The following DMD variants were observed in gnomAD, a reference collection of about 807,000 sequenced individuals.
DMD encodes mutant dystrophin.
DMD carries 63 observed loss-of-function variants against 330.1 expected under a neutral mutation model. That is an observed-to-expected ratio of 0.19 (90% CI 0.16 to 0.24). The LOEUF (loss-of-function observed/expected upper bound fraction) is 0.24. Among genes scored for constraint, DMD ranks in the 10% least tolerant of loss-of-function variants. The pLI is 1.00. For synonymous variants in DMD, 1,223 were observed against 959.8 expected, an observed-to-expected ratio of 1.27 and a Z score of -5.07; for missense variants, 3,344 against 2,684.1, an observed-to-expected ratio of 1.25 and a Z score of -5.43.
chrX:32,177,953 G>A (rs895353743), intron 44 of DMD, among the ~76,000 whole-genome samples: 2 of 110,676 alleles, frequency 1.8e-5, no homozygotes, highest in African/African-American at 6.6e-5. Flanking sequence ...AGAGATTTGG[G>A]CAATAAAGAG....
intron 18 of DMD, among the ~76,000 whole-genome samples, chrX:32,506,682 T>C: frequency 8.9e-6 from 1 of 111,954 alleles, no homozygotes; most frequent in Non-Finnish European, 1.9e-5. Flanking sequence ...AGACACTTTT[T>C]AATATCTTAC....
chrX:31,590,589 C>G (rs1488480986), intron 55 of DMD, among the ~76,000 whole-genome samples: 1 of 111,481 alleles, frequency 9.0e-6, no homozygotes, highest in African/African-American at 3.3e-5. Context: ...AGTCTGATAT[C>G]TTATTCTTAA....
chrX:32,832,781 T>C (rs1001486288), intron 4 of DMD, among the ~76,000 whole-genome samples: 1 of 111,907 alleles, frequency 8.9e-6, no homozygotes, highest in Non-Finnish European at 1.9e-5. Context: ...GAGATGCATG[T>C]ATTGAATCTT....
Position 32,781,005 on chromosome X carries a change from C to G in DMD, c.649+28488G>C, listed in dbSNP as rs752650817. On this transcript the variant is annotated intron_variant, in intron 7 of 78. Coordinates refer to ENST00000357033, the MANE Select transcript of DMD (RefSeq NM_004006.3). ...TGGTGGCAGGCGCCTGTAGTCCCAG[C>G]TACTCGGGAGGCTGAGGCAGGAGAA... Among the ~76,000 whole-genome samples, 171 of 108,401 alleles carry G rather than the reference C, an allele frequency of 1.6e-3. 2 individuals carry two copies. Among genetic ancestry groups the G allele is most frequent in the African/African-American group, 5.4e-3 (162 of 29,781 alleles). The allele number at this position is 108,401 out of a possible 115,157, so 94.1% of individuals were successfully genotyped here. A position where few individuals can be genotyped will look rare whatever the true frequency, so the allele number is the denominator to read the frequency against.
At chrX:32,461,848 T>G (rs2098384536) in intron 25 of DMD, among the ~76,000 whole-genome samples, 1 of 110,595 alleles carries the variant, frequency 9.0e-6, no homozygotes. Context: ...AGCACTGACT[T>G]ACTTCAGGAG....
At chrX:32,811,829 A>G (rs1332870606) in intron 6 of DMD, among the ~76,000 whole-genome samples, 1 of 110,645 alleles carries the variant, frequency 9.0e-6, no homozygotes, top group Non-Finnish European at 1.9e-5. Flanking sequence ...CAGATTAAAT[A>G]GACGTTTCGA....
chrX:31,497,008 T>C lies in DMD; in HGVS notation c.8391-64A>G. 3 of 1,124,309 alleles carry C rather than the reference T, an allele frequency of 2.7e-6. No individual in the cohort carries two copies. The East Asian group carries it at 9.6e-5, about 36-fold the overall frequency. 92.7% of individuals were successfully genotyped at this position (1,124,309 alleles called of 1,213,427 possible). On this transcript the variant is annotated intron_variant, in intron 56 of 78. Coordinates refer to ENST00000357033, the MANE Select transcript of DMD (RefSeq NM_004006.3). ...GAAGTGTAATTGATGATTCTAACAA[T>C]TCCATTGAAAAAGTACAATAAACCT... is the stretch of plus-strand genomic sequence containing the variant.
intron 67 of DMD, among the ~76,000 whole-genome samples, chrX:31,196,188 G>A (rs2042865103): frequency 9.0e-6 from 1 of 111,668 alleles, no homozygotes; most frequent in African/African-American, 3.3e-5. Context: ...GGTCTTTTCT[G>A]AAAATTGCAG....
At position 32,697,988 on chromosome X, in the gene DMD, C is replaced by G. The variant is rs762274027; in HGVS notation, c.842G>C (p.Ser281Thr). ...QMHYSQQITV[S>T]LAQGYERTSS... ...AGTTCTCTCATATCCCTGTGCTAGA[C>G]TGACCGTGATCTGCAGAGAAGGGTT... The change falls in exon 9 of 79, where the codon AGT becomes ACT. Residue 281 changes from serine to threonine, a missense_variant. Physicochemically the swap from Ser to Thr is moderately conservative, Grantham distance 58. Coordinates refer to ENST00000357033, the MANE Select transcript of DMD (RefSeq NM_004006.3). 104 of 1,192,545 alleles carry G rather than the reference C, an allele frequency of 8.7e-5. No homozygotes were observed. The highest frequency in any genetic ancestry group is 1.1e-4 in the Non-Finnish European group (101 of 886,675).
At chrX:32,819,752 T>C (rs932373638) in intron 5 of DMD, among the ~76,000 whole-genome samples, 3 of 109,101 alleles carry the variant, frequency 2.7e-5, no homozygotes, top group African/African-American at 1.0e-4. Context: ...CTGATAGATC[T>C]AGAATGTACA....
intron 9 of DMD, among the ~76,000 whole-genome samples, chrX:32,684,218 T>C (rs939822841): frequency 3.9e-5 from 4 of 101,309 alleles, no homozygotes; most frequent in Non-Finnish European, 5.7e-5. Flanking sequence ...TGTATTGCTG[T>C]ATGTATATAC....
chrX:33,123,404 G>A (rs1338628225), intron 1 of DMD, among the ~76,000 whole-genome samples: 1 of 109,307 alleles, frequency 9.1e-6, no homozygotes, highest in Non-Finnish European at 1.9e-5. Flanking sequence ...TCTCAAATGA[G>A]TTTTTGTTCT....
At chrX:32,282,277 A>G (rs1662255830) in intron 43 of DMD, among the ~76,000 whole-genome samples, 1 of 111,996 alleles carries the variant, frequency 8.9e-6, no homozygotes, top group Non-Finnish European at 1.9e-5. Context: ...TTGAAAGAAG[A>G]AAAGAGCTTT....
chrX:31,222,797 G>C (rs2046235897), intron 64 of DMD, among the ~76,000 whole-genome samples: 2 of 112,177 alleles, frequency 1.8e-5, no homozygotes, highest in South Asian at 7.4e-4. Flanking sequence ...CCAGTAGTTG[G>C]AAAATAAAAA....
At chrX:32,479,328 AT>A (rs1171773659) in intron 21 of DMD, among the ~76,000 whole-genome samples, 1 of 110,898 alleles carries the variant, frequency 9.0e-6, no homozygotes, top group East Asian at 2.8e-4. Context: ...TGAAACATAG[AT>A]TTTTATTAAC....
chrX:33,069,386 A>C (rs1410713253), intron 1 of DMD, among the ~76,000 whole-genome samples: 1 of 111,714 alleles, frequency 9.0e-6, no homozygotes, highest in African/African-American at 3.3e-5. Context: ...TGCCTTTTAA[A>C]ATACTAGTTG....
chrX:33,204,929 T>C (rs2148841495), intron 1 of DMD, among the ~76,000 whole-genome samples: 1 of 112,633 alleles, frequency 8.9e-6, no homozygotes, highest in African/African-American at 3.2e-5. Context: ...TTGAGCAAAG[T>C]GAACCTCTGT....
At chrX:32,115,280 G>A (rs768614049) in intron 44 of DMD, among the ~76,000 whole-genome samples, 14 of 111,461 alleles carry the variant, frequency 1.3e-4, no homozygotes, top group Non-Finnish European at 2.4e-4. Flanking sequence ...CTGTTGCCCA[G>A]GCTGGAGTGC....
chrX:32,276,901 C>A (rs1451186606), intron 43 of DMD, among the ~76,000 whole-genome samples: 3 of 108,279 alleles, frequency 2.8e-5, no homozygotes, highest in African/African-American at 1.0e-4. Flanking sequence ...GCCTGGGCAA[C>A]AGAGTGAGAT....
Sources: allele counts gnomAD v4.1 joint callset (sites outside exome capture counted in the v4.1 genomes callset), GRCh38; gene constraint gnomAD v4.1.1; transcripts MANE v1.5; gene names NCBI Gene and HGNC (gene_info 2026-07-23, HGNC 2026-07-21).